Variants in SAMM50 observed in about 807,000 individuals in gnomAD.
The protein encoded by SAMM50 is sorting and assembly machinery component 50 homolog.
In SAMM50, 47 loss-of-function variants were observed where a neutral mutation model predicts 66.9. The ratio of observed to expected loss-of-function variants is 0.70; its 90% CI spans 0.56 to 0.90. The LOEUF is 0.90. SAMM50 is among the 40% of genes least tolerant of loss of function. The pLI, the probability that SAMM50 is intolerant of heterozygous loss-of-function variation, is 0.00. For missense variants in SAMM50, 535 were observed against 595.3 expected (o/e 0.90, Z 1.05); for synonymous variants, 191 against 214.1 (o/e 0.89, Z 0.94).
chr22:43,967,805 C>T (rs1259464678), intron 3 of SAMM50, among the ~76,000 whole-genome samples: 1 of 152,246 alleles, frequency 6.6e-6, no homozygotes, highest in Non-Finnish European at 1.5e-5. Flanking sequence ...GTGTCCTCAG[C>T]ACTTGCTGCC....
At chr22:43,960,889 A>T (rs2089808870) in intron 1 of SAMM50, among the ~76,000 whole-genome samples, 1 of 152,200 alleles carries the variant, frequency 6.6e-6, no homozygotes, top group Admixed American at 6.5e-5. Context: ...GGGGCAAGTT[A>T]TTCTGGAAGA....
chr22:43,983,806 C>A lies in SAMM50; in HGVS notation c.1008-127C>A. 2 of 664,084 alleles carry A rather than the reference C, an allele frequency of 3.0e-6. No individual in the cohort carries two copies. Among genetic ancestry groups the A allele is most frequent in the South Asian group, 4.1e-5 (2 of 48,344 alleles). 41.1% of individuals were successfully genotyped at this position (664,084 alleles called of 1,614,324 possible). On this transcript the variant is annotated intron_variant, in intron 11 of 14. Transcript: ENST00000350028. The surrounding 1 kb of genome is among the most constrained non-coding windows in gnomAD (Gnocchi z 4.2). The stretch of plus-strand genomic sequence containing the variant: ...TCTTGGTCTTTCTCAAAGGTTTTGC[C>A]TTGTAAAAATGCTGTCGATAATCTA...
intron 10 of SAMM50, 72 bp from the exon 11 acceptor site, chr22:43,981,319 T>A: frequency 8.4e-7 from 1 of 1,197,338 alleles, no homozygotes; most frequent in Non-Finnish European, 1.2e-6. Context: ...GTGTGGCCAG[T>A]TGCTAGTTGC....
chr22:43,967,684 A>C (rs1389605230), intron 3 of SAMM50, among the ~76,000 whole-genome samples: 1 of 152,166 alleles, frequency 6.6e-6, no homozygotes, highest in African/African-American at 2.4e-5. Context: ...GTTCTTTCTC[A>C]CAAGGAAATG....
intron 9 of SAMM50, among the ~76,000 whole-genome samples, chr22:43,977,568 C>T (rs954727862): frequency 1.3e-4 from 20 of 152,126 alleles, no homozygotes; most frequent in African/African-American, 4.8e-4. Flanking sequence ...CCCCAAATGC[C>T]GATGAAGCCA....
intron 10 of SAMM50, among the ~76,000 whole-genome samples, chr22:43,980,160 CCATT>C (rs1569032106): frequency 3.6e-4 from 6 of 16,746 alleles, no homozygotes; most frequent in Admixed American, 6.5e-4. Context: ...ATCCATCCAT[CCATT>C]CACCCACCCA....
intron 1 of SAMM50, among the ~76,000 whole-genome samples, chr22:43,959,561 G>T (rs902759212): frequency 7.4e-6 from 1 of 134,382 alleles, no homozygotes; most frequent in Non-Finnish European, 1.6e-5. Flanking sequence ...TAGAAACAGG[G>T]TCTCACTATG....
intron 1 of SAMM50, among the ~76,000 whole-genome samples, chr22:43,958,513 C>G (rs1245604693): frequency 1.9e-5 from 2 of 106,532 alleles, no homozygotes; most frequent in Non-Finnish European, 3.4e-5. Flanking sequence ...GAGTCTTTCT[C>G]TGTCACCCAG....
chr22:43,993,795 C>G (rs1247666405), intron 14 of SAMM50, among the ~76,000 whole-genome samples: 3 of 152,148 alleles, frequency 2.0e-5, no homozygotes, highest in South Asian at 4.1e-4. Context: ...GATGGGGTAT[C>G]GTGTGTGTAG....
At chr22:43,994,393 A>G (rs1456880426) in intron 14 of SAMM50, among the ~76,000 whole-genome samples, 1 of 152,090 alleles carries the variant, frequency 6.6e-6, no homozygotes, top group Non-Finnish European at 1.5e-5. Flanking sequence ...TTCACCGCTG[A>G]GGTCCCCATG....
intron 12 of SAMM50, among the ~76,000 whole-genome samples, chr22:43,985,656 C>A (rs1372009586): frequency 6.6e-6 from 1 of 152,008 alleles, no homozygotes; most frequent in Non-Finnish European, 1.5e-5. Flanking sequence ...AAGCTTCTAT[C>A]AACATTCACG....
intron 1 of SAMM50, chr22:43,963,058 T>C: frequency 3.1e-6 from 1 of 322,416 alleles, no homozygotes; most frequent in African/African-American, 2.1e-5. Context: ...TTAGTTTTTA[T>C]ATTTTATTTA....
chr22:43,981,132 C>T (rs367703983), intron 10 of SAMM50, among the ~76,000 whole-genome samples: 26 of 152,220 alleles, frequency 1.7e-4, no homozygotes, highest in Non-Finnish European at 3.2e-4. Context: ...GCCCTGTGTC[C>T]GAATGGAAGC....
intron 4 of SAMM50, among the ~76,000 whole-genome samples, chr22:43,971,820 C>T (rs910330802): frequency 1.3e-5 from 2 of 152,116 alleles, no homozygotes; most frequent in Non-Finnish European, 2.9e-5. Context: ...AAGTGATCTT[C>T]TCACCTCAGC....
At position 43,989,241 on chromosome 22, in the gene SAMM50, C is replaced by T. The variant is rs756504678; in HGVS notation, c.1206C>T (p.Leu402=). The T allele has an allele frequency of 6.2e-7, 1 of 1,614,138 alleles. No individual in the cohort carries two copies. Among genetic ancestry groups the T allele is most frequent in the Non-Finnish European group, 8.5e-7 (1 of 1,180,024 alleles). The change falls in exon 13 of 15, where the codon CTC becomes CTT. Residue 402 remains leucine, a synonymous_variant. Coordinates refer to ENST00000350028, the MANE Select transcript of SAMM50 (RefSeq NM_015380.5). ...RTHFFLNAGN[L]CNLNYGEGPK... The stretch of plus-strand genomic sequence containing the variant: ...ACTTCTTTCTCAACGCAGGAAACCT[C>T]TGCAACCTCAACTATGGTAAAACTT...
intron 1 of SAMM50, chr22:43,962,991 C>CA (rs1223660708): frequency 6.0e-6 from 1 of 166,208 alleles, no homozygotes; most frequent in East Asian, 1.7e-4. Context: ...CTTGGCCTCC[C>CA]AGAGTGCTGG....
Position 43,983,972 on chromosome 22 carries a change from C to G in SAMM50, c.1047C>G (p.Ser349Arg), listed in dbSNP as rs775931631. 1.7e-5 allele frequency: 28 copies of G among 1,611,722 alleles called. No individual in the cohort carries two copies. The East Asian group carries it at 2.0e-4, about 12-fold the overall frequency. Residue 349 changes from serine (S) to arginine (R), a missense_variant, in exon 12 of 15, where the codon AGC (serine) becomes AGG (arginine). Transcript: ENST00000350028. The surrounding 1 kb of genome is among the most constrained non-coding windows in gnomAD (Gnocchi z 4.2). ...LGGPTSIRGF[S>R]MHSIGPQSEG... ...GACCCACAAGCATCCGCGGATTCAGCATGCACAGCATCGGGCCACAGAGCG... is the reference window on the plus strand; with the variant it reads ...GACCCACAAGCATCCGCGGATTCAGGATGCACAGCATCGGGCCACAGAGCG...
chr22:43,977,794 C>A, intron 9 of SAMM50, 78 bp from the exon 10 acceptor site: 1 of 987,186 alleles, frequency 1.0e-6, no homozygotes, highest in Non-Finnish European at 1.5e-6. Context: ...AAATTAAATC[C>A]TGATGCAAAA....
At chr22:43,984,423 C>A (rs1283599264) in intron 12 of SAMM50, among the ~76,000 whole-genome samples, 1 of 151,792 alleles carries the variant, frequency 6.6e-6, no homozygotes, top group Non-Finnish European at 1.5e-5. Flanking sequence ...AATGATTCTC[C>A]TGCCTCAGCC....
Sources: allele counts gnomAD v4.1 joint callset (sites outside exome capture counted in the v4.1 genomes callset), GRCh38; gene constraint gnomAD v4.1.1; non-coding constraint Gnocchi (gnomAD v3.1); transcripts MANE v1.5; gene names NCBI Gene and HGNC (gene_info 2026-07-23, HGNC 2026-07-21).